RP1: variants seen among roughly 807,000 people sequenced by gnomAD.
RP1 encodes the protein oxygen-regulated protein 1.
Under a neutral mutation model 14.8 loss-of-function variants are expected in RP1, and 16 were observed. The observed-to-expected ratio is 1.08, with a 90% confidence interval of 0.73 to 1.65. The LOEUF is 1.65. RP1 is among the 40% of genes most tolerant of loss of function. The pLI, the probability that RP1 is intolerant of heterozygous loss-of-function variation, is 0.00. For missense variants in RP1, 2,631 were observed against 2,535.0 expected (o/e 1.04, Z -0.81); for synonymous variants, 876 against 883.6 (o/e 0.99, Z 0.15).
chr8:54,692,801 T>A (rs1389992843), intron 12 of RP1, among the ~76,000 whole-genome samples: 1 of 151,796 alleles, frequency 6.6e-6, no homozygotes, highest in African/African-American at 2.4e-5. Context: ...TCTTTTGCTG[T>A]GCAGAAGCTC....
At chr8:54,754,708 G>C in intron 19 of RP1, 2 of 1,286,064 alleles carry the variant, frequency 1.6e-6, no homozygotes, top group Non-Finnish European at 2.1e-6. Context: ...AGAGTATGCA[G>C]TACACTTTTG....
At chr8:54,783,552 G>A (rs1485945413) in exon 24 of RP1, 6 of 1,230,686 alleles carry the variant, frequency 4.9e-6, no homozygotes, top group Non-Finnish European at 6.1e-6. Context: ...TGCAGATGGA[G>A]ACTGGAAGGT....
chr8:54,783,388 G>A (rs1319956515), intron 23 of RP1, among the ~76,000 whole-genome samples: 4 of 152,068 alleles, frequency 2.6e-5, no homozygotes, highest in East Asian at 3.8e-4. Flanking sequence ...TTATATGCTA[G>A]CATTCAAGGA....
chr8:54,678,402 G>GTT, intron 8 of RP1: 1 of 1,372,482 alleles, frequency 7.3e-7, no homozygotes, highest in Non-Finnish European at 9.9e-7. Flanking sequence ...CTCAAAACTT[G>GTT]AAGTATTATT....
At chr8:54,853,470 C>T (rs997465292) in intron 26 of RP1, among the ~76,000 whole-genome samples, 3 of 152,114 alleles carry the variant, frequency 2.0e-5, no homozygotes, top group African/African-American at 7.2e-5. Context: ...GCACCAGGAG[C>T]AGCAGTGATG....
chr8:54,584,258 A>AC (rs1804864060), intron 1 of RP1, among the ~76,000 whole-genome samples: 1 of 152,204 alleles, frequency 6.6e-6, no homozygotes, highest in Non-Finnish European at 1.5e-5. Flanking sequence ...TTCGTTATGT[A>AC]CCCAGTAGTC....
chr8:54,832,288 A>G (rs536426054), intron 24 of RP1, among the ~76,000 whole-genome samples: 3 of 151,830 alleles, frequency 2.0e-5, no homozygotes, highest in East Asian at 3.9e-4. Flanking sequence ...TGTTAGTTTA[A>G]TTGATACTGT....
At chr8:54,690,989 C>T (rs1213426758) in intron 12 of RP1, among the ~76,000 whole-genome samples, 2 of 152,072 alleles carry the variant, frequency 1.3e-5, no homozygotes, top group Non-Finnish European at 2.9e-5. Flanking sequence ...TCTTCCATGG[C>T]TACTCTTTGC....
chr8:54,850,732 C>G (rs1325885840), intron 25 of RP1, among the ~76,000 whole-genome samples: 3 of 152,114 alleles, frequency 2.0e-5, no homozygotes, highest in Non-Finnish European at 1.5e-5. Flanking sequence ...GAAAAAAAGT[C>G]TGAAATAATT....
At chr8:54,725,550 T>G (rs1808633094) in intron 16 of RP1, among the ~76,000 whole-genome samples, 1 of 152,230 alleles carries the variant, frequency 6.6e-6, no homozygotes, top group Non-Finnish European at 1.5e-5. Context: ...CCTTTGAGGT[T>G]GTTATGCTTT....
intron 16 of RP1, chr8:54,726,300 C>T: frequency 6.7e-7 from 1 of 1,486,258 alleles, no homozygotes; most frequent in Non-Finnish European, 8.9e-7. Context: ...TGAGAAGAAA[C>T]AAGTGATTTT....
In RP1 at chr8:54,662,177, C is replaced by T. The variant is rs191308510; in HGVS notation, c.1172-1522C>T. 7.9e-5 allele frequency among the ~76,000 whole-genome samples: 12 copies of T among 152,098 alleles called. No homozygotes were observed. The East Asian group carries it at 2.3e-3, about 29-fold the overall frequency. ...ATATTCTGAGTATTCTTATTATATT[C>T]TGGGAATTTTACATATTATTATATG... On this transcript the variant is annotated intron_variant, in intron 6 of 22. Transcript: ENST00000636932.
At chr8:54,651,565 C>T (rs1806655369) in intron 4 of RP1, among the ~76,000 whole-genome samples, 1 of 152,092 alleles carries the variant, frequency 6.6e-6, no homozygotes, top group Admixed American at 6.5e-5. Context: ...TTGCTCATAG[C>T]ATTCTTTTAT....
chr8:54,728,015 C>T (rs1240467233), intron 17 of RP1, among the ~76,000 whole-genome samples: 1 of 151,922 alleles, frequency 6.6e-6, no homozygotes, highest in East Asian at 1.9e-4. Flanking sequence ...AAAACTTTGA[C>T]CTGTCACAGA....
downstream of RP1, among the ~76,000 whole-genome samples, chr8:54,770,810 A>G (rs1809881904): frequency 6.6e-6 from 1 of 151,702 alleles, no homozygotes; most frequent in Non-Finnish European, 1.5e-5. Flanking sequence ...TTGGTTTCTT[A>G]GTTTTCTTTT....
intron 12 of RP1, among the ~76,000 whole-genome samples, chr8:54,690,666 A>G (rs1011981153): frequency 6.6e-6 from 1 of 152,030 alleles, no homozygotes; most frequent in Non-Finnish European, 1.5e-5. Context: ...TCTGGGATGT[A>G]TACTGTAACT....
rs1406658261 is a variant in RP1, at chr8:54,620,849, T to C, written c.-12-106T>C. 5 of 1,114,408 alleles carry C rather than the reference T, an allele frequency of 4.5e-6. No individual in the cohort carries two copies. The Admixed American group carries it at 8.7e-5, about 19-fold the overall frequency. 69.0% of individuals were successfully genotyped at this position (1,114,408 alleles called of 1,614,324 possible). On this transcript the variant is annotated intron_variant, in intron 1 of 3. Coordinates refer to ENST00000220676, the MANE Select transcript of RP1 (RefSeq NM_006269.2). ...TGAATAAATGAATGAAAGAATAAAC[T>C]TCTGTGAATATCCTGGATGTCTGCA...
chr8:54,720,393 A>G, intron 16 of RP1: 2 of 1,177,528 alleles, frequency 1.7e-6, no homozygotes, highest in Non-Finnish European at 2.3e-6. Flanking sequence ...CATTTTTACT[A>G]AGCAAATCTC....
At chr8:54,845,027 T>C (rs558989240) in intron 25 of RP1, among the ~76,000 whole-genome samples, 15 of 152,264 alleles carry the variant, frequency 9.9e-5, no homozygotes, top group African/African-American at 3.6e-4. Flanking sequence ...TGGCACTCCT[T>C]AGGGACGGTC....
Sources: gnomAD v4.1 joint callset for allele counts (sites outside exome capture counted in the v4.1 genomes callset) on GRCh38, gnomAD v4.1.1 for gene constraint, MANE v1.5 for transcripts, NCBI Gene and HGNC (gene_info 2026-07-23, HGNC 2026-07-21) for gene names.